The following TCTN1 variants were observed in gnomAD, a reference collection of about 807,000 sequenced individuals.
TCTN1 encodes the protein tectonic-1.
A neutral mutation model predicts 65.8 loss-of-function variants in TCTN1; 58 were observed. The observed-to-expected ratio is 0.88, with a 90% CI of 0.71 to 1.10. The LOEUF is 1.10. Ranked by LOEUF, TCTN1 falls within the 50% of genes least tolerant of loss-of-function variation. The probability of loss-of-function intolerance (pLI) is 0.00; values close to 1 mark genes in which losing one functional copy is unlikely to be tolerated. For missense variants in TCTN1, 645 were observed against 719.4 expected, an observed-to-expected ratio of 0.90 and a Z score of 1.18; for synonymous variants, 273 against 289.1, an observed-to-expected ratio of 0.94 and a Z score of 0.57.
intron 1 of TCTN1, among the ~76,000 whole-genome samples, chr12:110,615,389 T>C (rs769749428): frequency 3.3e-5 from 5 of 152,212 alleles, no homozygotes; most frequent in Non-Finnish European, 7.3e-5. Context: ...ATTCTTAAAG[T>C]GGTTCATGAT....
intron 5 of TCTN1, chr12:110,634,295 G>A: frequency 2.3e-6 from 1 of 427,630 alleles, no homozygotes; most frequent in South Asian, 1.7e-5. Context: ...TGGGGGGCAG[G>A]ACAAGAATTG....
chr12:110,640,262 T>G lies in TCTN1; in HGVS notation c.844-121T>G. 1 of 1,135,102 alleles carries G rather than the reference T, an allele frequency of 8.8e-7. No homozygotes were observed. Among genetic ancestry groups the G allele is most frequent in the East Asian group, 2.4e-5 (1 of 41,628 alleles). The allele number at this position is 1,135,102 out of a possible 1,614,324, so 70.3% of individuals were successfully genotyped here. A position where few individuals can be genotyped will look rare whatever the true frequency, so the allele number is the denominator to read the frequency against. ...GTGGATCATAGTATATACACTGTTG[T>G]GTAGCATGCTTCCCCCTACTTGGCC... On this transcript the variant is annotated intron_variant, in intron 7 of 14. Coordinates refer to ENST00000397659, the MANE Select transcript of TCTN1 (RefSeq NM_001082538.3). The surrounding 1 kb of genome is among the most constrained non-coding windows in gnomAD (Gnocchi z 4.9).
At position 110,640,690 on chromosome 12, in the gene TCTN1, T is replaced by TCCACAAACTTAGTGACTTGCCGGAC. The variant is rs1350632834; in HGVS notation, c.978+197_978+198insCCCACAAACTTAGTGACTTGCCGGA. Among the ~76,000 whole-genome samples the TCCACAAACTTAGTGACTTGCCGGAC allele has an allele frequency of 4.6e-5, 7 of 152,232 alleles. No homozygotes were observed. Among genetic ancestry groups the TCCACAAACTTAGTGACTTGCCGGAC allele is most frequent in the Admixed American group, 3.3e-4 (5 of 15,282 alleles). ...GTCTCATCAAAGGACACCTCTTGTCTCCACAAACTTAGTGACTTGCCGGAA... is the reference window on the plus strand; with the variant it reads ...GTCTCATCAAAGGACACCTCTTGTCTCCACAAACTTAGTGACTTGCCGGACCCACAAACTTAGTGACTTGCCGGAA... On this transcript the variant is annotated intron_variant, in intron 8 of 14. Transcript: ENST00000397659. The surrounding 1 kb of genome is among the most constrained non-coding windows in gnomAD (Gnocchi z 4.9).
In TCTN1 at chr12:110,628,938, A is replaced by T. The variant is rs779716663; in HGVS notation, c.624+20A>T. ...TATGAGGTGAGCCTGAACTTGATTG[A>T]TTCTTTTCATCCCATCACAAATATC... On this transcript the variant is annotated intron_variant, in intron 4 of 14. Transcript: ENST00000397659. The T allele has an allele frequency of 1.2e-6, 2 of 1,612,816 alleles. No homozygotes were observed. Among genetic ancestry groups the T allele is most frequent in the South Asian group, 2.2e-5 (2 of 90,958 alleles).
chr12:110,638,006 G>A (rs2066696005), intron 7 of TCTN1, among the ~76,000 whole-genome samples: 1 of 152,162 alleles, frequency 6.6e-6, no homozygotes, highest in South Asian at 2.1e-4. Flanking sequence ...TCTAAGTGCT[G>A]TATGTGTCTG....
At chr12:110,624,446 T>C (rs1225383586) in intron 2 of TCTN1, among the ~76,000 whole-genome samples, 1 of 152,066 alleles carries the variant, frequency 6.6e-6, no homozygotes, top group Non-Finnish European at 1.5e-5. Context: ...ACTCCTGGCC[T>C]CAAGTGATCC....
chr12:110,640,648 CT>C lies in TCTN1; in HGVS notation c.978+132del. ...GTGTGGCTTTTCTTGGCTCAGCTGC[CT>C]GCTTGTCTTTCTGCTGTCTCATCAA... On this transcript the variant is annotated intron_variant, in intron 8 of 14. Transcript: ENST00000397659. This position sits in a 1 kb window ranked among gnomAD's most constrained non-coding sequence, Gnocchi z 4.9. The C allele has an allele frequency of 7.7e-7, 1 of 1,306,140 alleles. No homozygotes were observed. Among genetic ancestry groups the C allele is most frequent in the South Asian group, 1.2e-5 (1 of 82,446 alleles). The allele number at this position is 1,306,140 out of a possible 1,614,324, so 80.9% of individuals were successfully genotyped here. A position where few individuals can be genotyped will look rare whatever the true frequency, so the allele number is the denominator to read the frequency against.
At chr12:110,624,452 G>A (rs1372859330) in intron 2 of TCTN1, among the ~76,000 whole-genome samples, 1 of 152,018 alleles carries the variant, frequency 6.6e-6, no homozygotes, top group African/African-American at 2.4e-5. Context: ...GGCCTCAAGT[G>A]ATCCTCCTCA....
chr12:110,614,547 T>G, intron 1 of TCTN1, 145 bp downstream of exon 1: 4 of 1,477,652 alleles, frequency 2.7e-6, no homozygotes, highest in Non-Finnish European at 2.7e-6. Flanking sequence ...ACGTCCATTC[T>G]CTAAACAATA....
In TCTN1 at chr12:110,626,568, T is replaced by G. The variant is rs190496760; in HGVS notation, c.472+76T>G. On this transcript the variant is annotated intron_variant, in intron 3 of 14. Coordinates refer to ENST00000397659, the MANE Select transcript of TCTN1 (RefSeq NM_001082538.3). Reference sequence around the variant, plus strand: ...AAAGTTATGGAAAAATGTGTCAGATTTATTTTATAATTATGATTATGGTTT... The same window carrying G: ...AAAGTTATGGAAAAATGTGTCAGATGTATTTTATAATTATGATTATGGTTT... 1.1e-4 allele frequency: 156 copies of G among 1,447,044 alleles called. 1 individual carries two copies. In the Middle Eastern group the frequency reaches 1.3e-3, roughly 12 times the overall value. The allele number at this position is 1,447,044 out of a possible 1,614,324, so 89.6% of individuals were successfully genotyped here.
rs2066919589 is a variant in TCTN1 at position 110,641,090 on chromosome 12, G to C, written c.1045G>C (p.Gly349Arg). ...VTKADLSFVL[G>R]TVSSVVVPLQ... Reference sequence around the variant, plus strand: ...CAAAGCTGATCTCTCATTCGTTCTGGGGACAGTTAGCAGCGTAGTGGTCCC... The same window carrying C: ...CAAAGCTGATCTCTCATTCGTTCTGCGGACAGTTAGCAGCGTAGTGGTCCC... Residue 349 changes from glycine to arginine, a missense_variant, in exon 9 of 15, where the codon GGG becomes CGG. By Grantham distance (125) the Gly-to-Arg change is moderately radical. Coordinates refer to ENST00000397659, the MANE Select transcript of TCTN1 (RefSeq NM_001082538.3). The C allele has an allele frequency of 6.2e-7, 1 of 1,614,062 alleles. No homozygotes were observed. The highest frequency in any genetic ancestry group is 1.1e-5 in the South Asian group (1 of 91,076).
Position 110,644,852 on chromosome 12 carries a change from T to G in TCTN1, c.1332-115T>G. 1.4e-6 allele frequency: 2 copies of G among 1,407,884 alleles called. No homozygotes were observed. The highest frequency in any genetic ancestry group is 2.0e-6 in the Non-Finnish European group (2 of 1,006,902). The allele number at this position is 1,407,884 out of a possible 1,614,324, so 87.2% of individuals were successfully genotyped here. A position where few individuals can be genotyped will look rare whatever the true frequency, so the allele number is the denominator to read the frequency against. ...CTGCACTCCAGCTTGGGCATCAGAG[T>G]GAGACCTTATCTCAAAAATAAATAA... On this transcript the variant is annotated intron_variant, in intron 11 of 14. Transcript: ENST00000397659. The surrounding 1 kb of genome is among the most constrained non-coding windows in gnomAD (Gnocchi z 4.6).
Position 110,644,316 on chromosome 12 carries a change from CTT to C in TCTN1, c.1332-649_1332-648del, listed in dbSNP as rs2067155979. On this transcript the variant is annotated intron_variant, in intron 11 of 14. Transcript: ENST00000397659. The surrounding 1 kb of genome is among the most constrained non-coding windows in gnomAD (Gnocchi z 4.6). ...TAAAGATTTTGCAAAGTTAGAGACT[CTT>C]TAGCTTCTGTCAGATAATCCCTCAT... 1.3e-5 allele frequency: 2 copies of C among 156,534 alleles called. No homozygotes were observed. Among genetic ancestry groups the C allele is most frequent in the Admixed American group, 6.2e-5 (1 of 16,196 alleles). The allele number at this position is 156,534 out of a possible 1,614,324, so 9.7% of individuals were successfully genotyped here.
intron 3 of TCTN1, chr12:110,628,117 TAGCCATCCGG>T: frequency 6.5e-7 from 1 of 1,536,052 alleles, no homozygotes; most frequent in Non-Finnish European, 8.7e-7. Context: ...TTCATTCCCA[TAGCCATCCGG>T]AGAGAGCTTC....
intron 14 of TCTN1, among the ~76,000 whole-genome samples, chr12:110,648,519 A>ATTTAT (rs2067555062): frequency 6.6e-6 from 1 of 152,180 alleles, no homozygotes; most frequent in Non-Finnish European, 1.5e-5. Flanking sequence ...GCTTTGAGTT[A>ATTTAT]TTTATTTTAA....
Position 110,641,573 on chromosome 12 carries a change from A to G in TCTN1, c.1136A>G (p.Asn379Ser). 2 of 1,614,214 alleles carry G rather than the reference A, an allele frequency of 1.2e-6. No individual in the cohort carries two copies. The highest frequency in any genetic ancestry group is 1.7e-6 in the Non-Finnish European group (2 of 1,180,040). Residue 379 changes from asparagine (N) to serine (S), a missense_variant, in exon 10 of 15, where the codon AAC (asparagine) becomes AGC (serine). Coordinates refer to ENST00000397659, the MANE Select transcript of TCTN1 (RefSeq NM_001082538.3). ...ACCCAGCCAGTCCCTCTCAGTGGAA[A>G]CCCTGGTTATGTCGTGGGGCTCCCA... Reference protein sequence around the residue: ...ENTQPVPLSGNPGYVVGLPLA... With the variant: ...ENTQPVPLSGSPGYVVGLPLA...
chr12:110,626,429 C>G lies in TCTN1; in HGVS notation c.409C>G (p.Gln137Glu), dbSNP rs757588780. The change falls in exon 3 of 15, where the codon CAA (glutamine) becomes GAA (glutamate). Residue 137 changes from glutamine (Q) to glutamate (E), a missense_variant. Physicochemically the swap from Gln to Glu is conservative, Grantham distance 29 (BLOSUM62 2). Coordinates refer to ENST00000397659, the MANE Select transcript of TCTN1 (RefSeq NM_001082538.3). Reference sequence around the variant, plus strand: ...ATTGAATTTTACAGCAAACCCACCTCAAAGAGTATTTGAACTTGTTGACCA... The same window carrying G: ...ATTGAATTTTACAGCAAACCCACCTGAAAGAGTATTTGAACTTGTTGACCA... ...YSLNFTANPP[Q>E]RVFELVDQIN... is the part of the protein sequence containing the mutation. The G allele has an allele frequency of 1.9e-6, 3 of 1,611,180 alleles. No homozygotes were observed. Among genetic ancestry groups the G allele is most frequent in the Admixed American group, 3.3e-5 (2 of 59,866 alleles).
intron 10 of TCTN1, 121 bp downstream of exon 10, chr12:110,641,748 C>A (rs1415718613): frequency 1.9e-6 from 2 of 1,040,910 alleles, no homozygotes; most frequent in African/African-American, 1.6e-5. Flanking sequence ...CAGTCCAGGC[C>A]GAGCTTCCTG....
Position 110,628,879 on chromosome 12 carries a change from C to T in TCTN1, c.585C>T (p.Phe195=), listed in dbSNP as rs774402021. 6.2e-6 allele frequency: 10 copies of T among 1,613,732 alleles called. No homozygotes were observed. Among genetic ancestry groups the T allele is most frequent in the Middle Eastern group, 3.3e-4 (2 of 6,058 alleles). ...FTLNAESYVS[F]TTKLDIPTAA... ...TGAATGCTGAATCATATGTTTCCTT[C>T]ACAACCAAACTGGATATTCCTACTG... Residue 195 remains phenylalanine, a synonymous_variant, in exon 4 of 15, where the codon TTC becomes TTT. Transcript: ENST00000397659.
Sources: allele counts gnomAD v4.1 joint callset (sites outside exome capture counted in the v4.1 genomes callset), GRCh38; gene constraint gnomAD v4.1.1; non-coding constraint Gnocchi (gnomAD v3.1); transcripts MANE v1.5; gene names NCBI Gene and HGNC (gene_info 2026-07-23, HGNC 2026-07-21).